Variants in FAM24B observed in about 807,000 individuals in gnomAD.
FAM24B encodes the protein family with sequence similarity 24 member B.
In FAM24B, 3 loss-of-function variants were observed where a neutral mutation model predicts 2.3. That is an observed-to-expected ratio of 1.29 (90% CI 0.59 to 3.32). The LOEUF is 3.32. Among genes scored for constraint, FAM24B ranks in the 30% most tolerant of loss-of-function variants. FAM24B has a pLI of 0.03. For synonymous variants in FAM24B, 36 were observed against 46.3 expected (o/e 0.78, Z 0.90); for missense variants, 98 against 117.2 (o/e 0.84, Z 0.76).
intron 2 of FAM24B, among the ~76,000 whole-genome samples, chr10:122,852,446 A>G (rs1000737796): frequency 1.3e-5 from 2 of 152,188 alleles, no homozygotes; most frequent in Non-Finnish European, 2.9e-5. Flanking sequence ...TTCATGAGTC[A>G]TATCTCCAGG....
chr10:122,850,448 T>C lies in FAM24B; in HGVS notation c.68A>G (p.Tyr23Cys). Residue 23 changes from tyrosine (Y) to cysteine (C), a missense_variant, in exon 3 of 4, where the codon TAC becomes TGC. Physicochemically the swap from Tyr to Cys is radical, Grantham distance 194. Transcript: ENST00000368898. ...LLLIVVVLCL[Y>C]FKIHNALKAA... The stretch of plus-strand genomic sequence containing the variant: ...CTTTAGCGCGTTGTGTATTTTGAAG[T>C]AAAGACAGAGCACGACAACTATCAG... 6.2e-7 allele frequency: 1 copy of C among 1,613,982 alleles called. No individual in the cohort carries two copies. The highest frequency in any genetic ancestry group is 1.3e-5 in the African/African-American group (1 of 74,984).
intron 1 of FAM24B, among the ~76,000 whole-genome samples, chr10:122,878,532 A>G (rs569660705): frequency 6.3e-4 from 96 of 151,598 alleles, no homozygotes; most frequent in Non-Finnish European, 1.2e-3. Flanking sequence ...ACTCCATCTC[A>G]AAAGAAAAAA....
chr10:122,855,613 T>C (rs1847625598), intron 2 of FAM24B, 32 bp downstream of exon 2: 1 of 152,200 alleles, frequency 6.6e-6, no homozygotes, highest in Non-Finnish European at 1.5e-5. Context: ...ACTCACATGA[T>C]TCAAGAGAAG....
chr10:122,878,145 G>A (rs560135485), intron 1 of FAM24B, among the ~76,000 whole-genome samples: 1 of 152,266 alleles, frequency 6.6e-6, no homozygotes, highest in South Asian at 2.1e-4. Context: ...TCCAAAAGAA[G>A]GGGCATTCTA....
intron 1 of FAM24B, among the ~76,000 whole-genome samples, chr10:122,872,206 C>G (rs1471322393): frequency 6.6e-6 from 1 of 152,198 alleles, no homozygotes; most frequent in Non-Finnish European, 1.5e-5. Flanking sequence ...CACTGGCCAT[C>G]AGAGAAATGC....
chr10:122,878,370 TA>T (rs759813954), intron 1 of FAM24B, among the ~76,000 whole-genome samples: 29 of 152,040 alleles, frequency 1.9e-4, no homozygotes, highest in Middle Eastern at 6.8e-3. Flanking sequence ...CTGTCTCTCC[TA>T]AAAATACAAA....
chr10:122,851,177 A>T (rs1398912513), intron 2 of FAM24B, among the ~76,000 whole-genome samples: 1 of 152,242 alleles, frequency 6.6e-6, no homozygotes, highest in Admixed American at 6.5e-5. Context: ...GAAACTGGGA[A>T]AAAGTGAGTC....
chr10:122,864,092 A>G (rs1435849059), intron 1 of FAM24B, among the ~76,000 whole-genome samples: 2 of 152,152 alleles, frequency 1.3e-5, no homozygotes, highest in Non-Finnish European at 2.9e-5. Flanking sequence ...GTTGTTTCAG[A>G]GCAAACTGAA....
chr10:122,849,908 C>T (rs1486204392), intron 3 of FAM24B, among the ~76,000 whole-genome samples: 1 of 152,180 alleles, frequency 6.6e-6, no homozygotes, highest in Non-Finnish European at 1.5e-5. Context: ...CACGGTTCAG[C>T]TGTCCCTGAG....
chr10:122,858,771 G>A (rs557670360), intron 1 of FAM24B, among the ~76,000 whole-genome samples: 1 of 152,054 alleles, frequency 6.6e-6, no homozygotes, highest in South Asian at 2.1e-4. Flanking sequence ...TCTAAACATG[G>A]TGTCCCAGTA....
At chr10:122,858,113 T>C (rs543022805) in intron 1 of FAM24B, among the ~76,000 whole-genome samples, 2 of 152,338 alleles carry the variant, frequency 1.3e-5, no homozygotes, top group African/African-American at 2.4e-5. Context: ...CATAGGTTTA[T>C]TGAGGCACTA....
At chr10:122,865,455 C>T (rs1265556820) in intron 1 of FAM24B, among the ~76,000 whole-genome samples, 1 of 152,194 alleles carries the variant, frequency 6.6e-6, no homozygotes, top group Non-Finnish European at 1.5e-5. Flanking sequence ...ATACCTTACA[C>T]ACCTGGAGTA....
chr10:122,868,600 C>A (rs1445729062), intron 1 of FAM24B, among the ~76,000 whole-genome samples: 1 of 152,086 alleles, frequency 6.6e-6, no homozygotes, highest in African/African-American at 2.4e-5. Context: ...AGAAACTCTA[C>A]AAGCCAGAAG....
intron 1 of FAM24B, among the ~76,000 whole-genome samples, chr10:122,858,353 T>C (rs1225631503): frequency 7.2e-6 from 1 of 139,248 alleles, no homozygotes; most frequent in East Asian, 2.2e-4. Flanking sequence ...AACTGAACGA[T>C]GAGAACACTT....
intron 3 of FAM24B, among the ~76,000 whole-genome samples, chr10:122,850,168 C>T (rs1044192552): frequency 6.6e-6 from 1 of 152,088 alleles, no homozygotes; most frequent in Non-Finnish European, 1.5e-5. Context: ...AGCCAAGCAG[C>T]GCTGACACTC....
At chr10:122,877,765 T>C (rs2079664184) in intron 1 of FAM24B, among the ~76,000 whole-genome samples, 2 of 152,220 alleles carry the variant, frequency 1.3e-5, no homozygotes, top group African/African-American at 4.8e-5. Flanking sequence ...TCTCTTTCAC[T>C]GTCATAATTT....
At chr10:122,875,540 G>C (rs1474709111) in intron 1 of FAM24B, among the ~76,000 whole-genome samples, 1 of 152,164 alleles carries the variant, frequency 6.6e-6, no homozygotes, top group Non-Finnish European at 1.5e-5. Flanking sequence ...GAGGTAATCA[G>C]GCTACTTGAT....
rs1847822075 is a variant in FAM24B at position 122,867,596 on chromosome 10, C to A, written c.-177-11810G>T. 3.9e-5 allele frequency among the ~76,000 whole-genome samples: 6 copies of A among 152,308 alleles called. No homozygotes were observed. In the South Asian group the frequency reaches 1.2e-3, roughly 32 times the overall value. On this transcript the variant is annotated intron_variant, in intron 1 of 3. Transcript: ENST00000368898. ...CGGGTACTCCTCTGAGACAAAACAT[C>A]CAGAGAAACGAACAGGCAGCAGCAT...
chr10:122,879,103 C>T (rs896142381), intron 1 of FAM24B, among the ~76,000 whole-genome samples: 1 of 152,216 alleles, frequency 6.6e-6, no homozygotes, highest in Non-Finnish European at 1.5e-5. Context: ...CCTCAGGCGA[C>T]CGCTCCATCC....
Sources: allele counts gnomAD v4.1 joint callset (sites outside exome capture counted in the v4.1 genomes callset), GRCh38; gene constraint gnomAD v4.1.1; transcripts MANE v1.5; gene names NCBI Gene and HGNC (gene_info 2026-07-23, HGNC 2026-07-21).